LRP1B: variants seen among roughly 807,000 people sequenced by gnomAD.
LRP1B encodes low-density lipoprotein receptor-related protein 1B.
LRP1B carries 217 observed loss-of-function variants against 556.6 expected under a neutral mutation model. The observed-to-expected ratio is 0.39, with a 90% CI of 0.35 to 0.44. The LOEUF is 0.44. Among genes scored for constraint, LRP1B ranks in the 20% least tolerant of loss-of-function variants. The pLI is 1.00. For missense variants in LRP1B, 5,053 were observed against 5,620.8 expected (o/e 0.90, Z 3.23); for synonymous variants, 2,047 against 1,865.8 (o/e 1.10, Z -2.50).
chr2:141,913,807 C>A (rs749974685), intron 1 of LRP1B, among the ~76,000 whole-genome samples: 1 of 151,860 alleles, frequency 6.6e-6, no homozygotes, highest in African/African-American at 2.4e-5. Flanking sequence ...AGTGCAGTGG[C>A]GTGATCTTGG....
At chr2:141,930,620 G>A (rs1700473506) in intron 1 of LRP1B, among the ~76,000 whole-genome samples, 1 of 151,968 alleles carries the variant, frequency 6.6e-6, no homozygotes, top group Non-Finnish European at 1.5e-5. Context: ...TGAGCAGAAG[G>A]GATAAGTGGT....
At chr2:141,090,198 A>G (rs10201271) in intron 7 of LRP1B, among the ~76,000 whole-genome samples, 55,395 of 152,080 alleles carry the variant, frequency 0.36, 10,499 homozygotes, top group East Asian at 0.67. Flanking sequence ...TCCTAAATTC[A>G]TATGTGGTTA....
intron 2 of LRP1B, among the ~76,000 whole-genome samples, chr2:141,627,910 A>G (rs907023188): frequency 8.5e-5 from 13 of 152,246 alleles, no homozygotes; most frequent in Admixed American, 7.9e-4. Flanking sequence ...TTAAGAACTC[A>G]TTGATTTGAT....
At chr2:142,107,618 C>CCTTTG (rs1706796833) in intron 1 of LRP1B, among the ~76,000 whole-genome samples, 2 of 151,210 alleles carry the variant, frequency 1.3e-5, no homozygotes, top group South Asian at 4.2e-4. Flanking sequence ...AATAATGTGT[C>CCTTTG]TTTTGTTTTG....
At chr2:141,985,106 A>T (rs1051223373) in intron 1 of LRP1B, among the ~76,000 whole-genome samples, 3 of 152,148 alleles carry the variant, frequency 2.0e-5, no homozygotes, top group African/African-American at 7.2e-5. Context: ...CCCAGAATAC[A>T]ATTCAAGTCT....
At chr2:141,896,011 T>G (rs1047121601) in intron 1 of LRP1B, among the ~76,000 whole-genome samples, 9 of 152,200 alleles carry the variant, frequency 5.9e-5, no homozygotes, top group African/African-American at 1.9e-4. Flanking sequence ...TATTGCCTAT[T>G]ATGTTTTCAT....
At chr2:140,711,951 G>A (rs1377934021) in intron 37 of LRP1B, among the ~76,000 whole-genome samples, 1 of 152,100 alleles carries the variant, frequency 6.6e-6, no homozygotes, top group Non-Finnish European at 1.5e-5. Flanking sequence ...TACCTCAAAG[G>A]CAAATGTAAA....
chr2:142,057,589 A>G (rs968148036), intron 1 of LRP1B, among the ~76,000 whole-genome samples: 3 of 152,174 alleles, frequency 2.0e-5, no homozygotes. Context: ...TTAACAATCT[A>G]TCTGTGTTTC....
intron 3 of LRP1B, among the ~76,000 whole-genome samples, chr2:141,470,245 T>A (rs528574247): frequency 1.3e-5 from 2 of 152,304 alleles, no homozygotes; most frequent in Admixed American, 1.3e-4. Context: ...CTGGTGCAGA[T>A]CTACTTCAAA....
Position 142,094,524 on chromosome 2 carries a change from A to C in LRP1B, c.82+36124T>G, listed in dbSNP as rs376923501. On this transcript the variant is annotated intron_variant, in intron 1 of 90. Transcript: ENST00000389484. ...AAGTGACAGCACTGCTTGCAAAAAG[A>C]ATCAGTTCTATAAACATAGAAAGAA... Among the ~76,000 whole-genome samples the C allele has an allele frequency of 4.1e-4, 63 of 152,178 alleles. 2 individuals are homozygous for C. The South Asian group carries it at 6.0e-3, about 14-fold the overall frequency.
intron 27 of LRP1B, among the ~76,000 whole-genome samples, chr2:140,860,745 T>C (rs1692762823): frequency 1.3e-5 from 2 of 152,058 alleles, no homozygotes; most frequent in African/African-American, 4.8e-5. Flanking sequence ...GGTGGTAGAT[T>C]CTTGCTGGGT....
chr2:140,427,104 G>T (rs960102594), intron 66 of LRP1B, among the ~76,000 whole-genome samples: 4 of 151,912 alleles, frequency 2.6e-5, no homozygotes, highest in Non-Finnish European at 5.9e-5. Flanking sequence ...CATTTTATCC[G>T]TGGACCCAAA....
intron 7 of LRP1B, among the ~76,000 whole-genome samples, chr2:141,117,096 T>C (rs967758286): frequency 1.3e-5 from 2 of 152,038 alleles, no homozygotes; most frequent in Admixed American, 6.6e-5. Context: ...ATGCCCCAAG[T>C]ATCTTTTCAT....
intron 16 of LRP1B, among the ~76,000 whole-genome samples, chr2:140,991,109 T>A (rs556601822): frequency 6.6e-6 from 1 of 152,262 alleles, no homozygotes; most frequent in Non-Finnish European, 1.5e-5. Flanking sequence ...TGATTTACAT[T>A]TTCTACTCAC....
intron 18 of LRP1B, among the ~76,000 whole-genome samples, chr2:140,969,697 G>A (rs545285782): frequency 6.6e-6 from 1 of 152,264 alleles, no homozygotes; most frequent in African/African-American, 2.4e-5. Context: ...GCTTCCTTCA[G>A]GAGCTCTTGT....
intron 2 of LRP1B, among the ~76,000 whole-genome samples, chr2:141,635,124 T>C (rs1441599129): frequency 6.7e-6 from 1 of 148,804 alleles, no homozygotes; most frequent in African/African-American, 2.5e-5. Context: ...ACCTCAACCC[T>C]GCAAAAAAGA....
intron 2 of LRP1B, among the ~76,000 whole-genome samples, chr2:141,494,408 T>C (rs1303927758): frequency 6.6e-6 from 1 of 151,680 alleles, no homozygotes; most frequent in South Asian, 2.1e-4. Flanking sequence ...TGGGCTTGAG[T>C]TGAAGTTCAA....
chr2:141,964,899 G>GA (rs1191172076), intron 1 of LRP1B, among the ~76,000 whole-genome samples: 28 of 149,486 alleles, frequency 1.9e-4, no homozygotes, highest in African/African-American at 6.3e-4. Context: ...AAATTTACAA[G>GA]AAAAAAACAA....
chr2:141,189,910 T>C (rs982513137), intron 6 of LRP1B, among the ~76,000 whole-genome samples: 2 of 123,004 alleles, frequency 1.6e-5, no homozygotes, highest in African/African-American at 5.9e-5. Flanking sequence ...AGTTCCCTTA[T>C]CTGACAAAGT....
Sources: allele counts gnomAD v4.1 joint callset (sites outside exome capture counted in the v4.1 genomes callset), GRCh38; gene constraint gnomAD v4.1.1; transcripts MANE v1.5; gene names NCBI Gene and HGNC (gene_info 2026-07-23, HGNC 2026-07-21).